HIPK3: variants seen among roughly 807,000 people sequenced by gnomAD.
The protein encoded by HIPK3 is homeodomain interacting protein kinase 3.
A neutral mutation model predicts 124.2 loss-of-function variants in HIPK3; 47 were observed. The ratio of observed to expected loss-of-function variants is 0.38; its 90% CI spans 0.30 to 0.48. The LOEUF is 0.48. Ranked by LOEUF, HIPK3 falls within the 20% of genes least tolerant of loss-of-function variation. The pLI, the probability that HIPK3 is intolerant of heterozygous loss-of-function variation, is 0.98. For synonymous variants in HIPK3, 482 were observed against 515.2 expected, an observed-to-expected ratio of 0.94 and a Z score of 0.87; for missense variants, 1,286 against 1,454.3, an observed-to-expected ratio of 0.88 and a Z score of 1.88.
intron 1 of HIPK3, among the ~76,000 whole-genome samples, chr11:33,268,212 A>G (rs1851024519): frequency 1.3e-5 from 2 of 152,228 alleles, no homozygotes; most frequent in Admixed American, 1.3e-4. Flanking sequence ...TCCATCTCAA[A>G]AACAAATAAG....
At chr11:33,326,657 T>G (rs1163179009) in intron 2 of HIPK3, among the ~76,000 whole-genome samples, 2 of 151,568 alleles carry the variant, frequency 1.3e-5, no homozygotes, top group African/African-American at 4.8e-5. Flanking sequence ...GAGTTATGAC[T>G]GGTCAAATCT....
chr11:33,339,760 A>G (rs1853275021), intron 6 of HIPK3, among the ~76,000 whole-genome samples: 1 of 152,356 alleles, frequency 6.6e-6, no homozygotes, highest in Non-Finnish European at 1.5e-5. Context: ...ACTAAAAATA[A>G]GACTGAGTGG....
intron 14 of HIPK3, among the ~76,000 whole-genome samples, chr11:33,350,510 T>C (rs1434483168): frequency 6.9e-6 from 1 of 144,922 alleles, no homozygotes; most frequent in Non-Finnish European, 1.5e-5. Context: ...CTACCAAAAA[T>C]TAAAAAAAAA....
At chr11:33,311,849 C>CACACACACAT (rs1852348632) in intron 2 of HIPK3, among the ~76,000 whole-genome samples, 1 of 147,768 alleles carries the variant, frequency 6.8e-6, no homozygotes, top group African/African-American at 2.5e-5. Flanking sequence ...CACACACACA[C>CACACACACAT]ACACACACAC....
intron 1 of HIPK3, among the ~76,000 whole-genome samples, chr11:33,269,051 ATATATTAC>A (rs1489795918): frequency 2.6e-5 from 4 of 152,190 alleles, no homozygotes; most frequent in African/African-American, 9.6e-5. Context: ...TGGAAAACAA[ATATATTAC>A]TATTATAAAA....
chr11:33,257,311 G>A (rs956531615), upstream of HIPK3: 1 of 983,702 alleles, frequency 1.0e-6, no homozygotes, highest in Admixed American at 6.2e-5. Context: ...CTGCCGGGCG[G>A]GCGGTGGCGC....
At chr11:33,317,616 G>A (rs1196869181) in intron 2 of HIPK3, among the ~76,000 whole-genome samples, 1 of 152,102 alleles carries the variant, frequency 6.6e-6, no homozygotes, top group Non-Finnish European at 1.5e-5. Context: ...ATAAAATATT[G>A]TGGAAATATA....
chr11:33,311,910 TACACACACAC>T (rs71034671), intron 2 of HIPK3, among the ~76,000 whole-genome samples: 9 of 114,296 alleles, frequency 7.9e-5, no homozygotes, highest in South Asian at 6.5e-4. Context: ...ACCCTGTTTC[TACACACACAC>T]ACACACACAC....
intron 2 of HIPK3, among the ~76,000 whole-genome samples, chr11:33,290,640 CTT>C (rs34712545): frequency 2.1e-5 from 3 of 141,842 alleles, no homozygotes; most frequent in South Asian, 2.2e-4. Context: ...AAAAAAAAGT[CTT>C]TTTTTTTTTT....
chr11:33,322,645 G>A (rs1852698685), intron 2 of HIPK3, among the ~76,000 whole-genome samples: 1 of 152,112 alleles, frequency 6.6e-6, no homozygotes, highest in South Asian at 2.1e-4. Context: ...GGCCAATGTG[G>A]CGAAACCTCA....
intron 2 of HIPK3, among the ~76,000 whole-genome samples, chr11:33,322,235 G>A (rs1490475810): frequency 6.6e-6 from 1 of 151,788 alleles, no homozygotes; most frequent in Admixed American, 6.6e-5. Flanking sequence ...TCCTGACCTC[G>A]TGATCTGCCT....
intron 8 of HIPK3, among the ~76,000 whole-genome samples, chr11:33,343,213 C>T (rs1853387696): frequency 6.6e-6 from 1 of 150,628 alleles, no homozygotes; most frequent in African/African-American, 2.5e-5. Flanking sequence ...ATTTCTAACT[C>T]TAATATATTT....
chr11:33,322,085 C>T lies in HIPK3; in HGVS notation c.1098-6425C>T, dbSNP rs533776279. ...CGCGATCTTGGCTCACTGCAAGCTCCGCCTCCCGGGTTCACACCATTCTCC... is the reference window on the plus strand; with the variant it reads ...CGCGATCTTGGCTCACTGCAAGCTCTGCCTCCCGGGTTCACACCATTCTCC... On this transcript the variant is annotated intron_variant, in intron 2 of 16. Coordinates refer to ENST00000303296, the MANE Select transcript of HIPK3 (RefSeq NM_005734.5). Among the ~76,000 whole-genome samples, 477 of 152,178 alleles carry T rather than the reference C, an allele frequency of 3.1e-3. 1 individual carries two copies. Among genetic ancestry groups the T allele is most frequent in the South Asian group, 0.025 (120 of 4,816 alleles).
At chr11:33,345,429 A>G (rs1853463735) in intron 8 of HIPK3, among the ~76,000 whole-genome samples, 1 of 152,170 alleles carries the variant, frequency 6.6e-6, no homozygotes, top group African/African-American at 2.4e-5. Context: ...CCTAATAACT[A>G]ACTATACAAA....
rs1220459728 is a variant in HIPK3 at position 33,356,366 on chromosome 11, A to G, written c.*2798A>G. On this transcript the variant is annotated 3_prime_UTR_variant, in exon 17 of 17. Transcript: ENST00000303296. ...TATTGACAAAGTAATCTGGATTTATACCTTTTAAAAACCATTTTGACCAGT... is the reference window on the plus strand; with the variant it reads ...TATTGACAAAGTAATCTGGATTTATGCCTTTTAAAAACCATTTTGACCAGT... 1 of 152,072 alleles carries G rather than the reference A, an allele frequency of 6.6e-6. No homozygotes were observed. The highest frequency in any genetic ancestry group is 1.5e-5 in the Non-Finnish European group (1 of 67,920). 9.4% of individuals were successfully genotyped at this position (152,072 alleles called of 1,614,324 possible).
rs118189331 is a variant in HIPK3, at chr11:33,322,956, C to T, written c.1098-5554C>T. On this transcript the variant is annotated intron_variant, in intron 2 of 16. Transcript: ENST00000303296. ...TTGTTCTTCATGTAGACCCTCTCTA[C>T]TCTGACCTTCCTGAGCACTGGAGTG... 2.4e-3 allele frequency among the ~76,000 whole-genome samples: 370 copies of T among 152,354 alleles called. 2 individuals are homozygous for T. The East Asian group carries it at 0.024, about 10-fold the overall frequency.
In HIPK3 at chr11:33,340,994, A is replaced by G. The variant is rs1237865982; in HGVS notation, c.1640A>G (p.Asp547Gly). The change falls in exon 7 of 17, where the codon GAT becomes GGT. Residue 547 changes from aspartate (D) to glycine (G), a missense_variant. Coordinates refer to ENST00000303296, the MANE Select transcript of HIPK3 (RefSeq NM_005734.5). Reference protein sequence around the residue: ...NHVKSCFHIMDICKSHLNSCD... With the variant: ...NHVKSCFHIMGICKSHLNSCD... ...GTAAAGTCCTGTTTTCATATTATGG[A>G]TATTTGTAAGTCCCACCTAAATTCA... is the stretch of plus-strand genomic sequence containing the variant. 1 of 1,599,074 alleles carries G rather than the reference A, an allele frequency of 6.3e-7. No individual in the cohort carries two copies. The highest frequency in any genetic ancestry group is 8.6e-7 in the Non-Finnish European group (1 of 1,167,974).
At chr11:33,281,455 ATTATT>A (rs1319433074) in intron 1 of HIPK3, among the ~76,000 whole-genome samples, 2 of 152,208 alleles carry the variant, frequency 1.3e-5, no homozygotes, top group East Asian at 1.9e-4. Flanking sequence ...CAAATCCCAG[ATTATT>A]TTATTTTTAG....
intron 1 of HIPK3, among the ~76,000 whole-genome samples, chr11:33,273,435 G>C (rs113422817): frequency 6.7e-6 from 1 of 149,340 alleles, no homozygotes; most frequent in African/African-American, 2.5e-5. Context: ...CGTGAACCTG[G>C]GAGGCGGAGC....
Sources: allele counts gnomAD v4.1 joint callset (sites outside exome capture counted in the v4.1 genomes callset), GRCh38; gene constraint gnomAD v4.1.1; transcripts MANE v1.5; gene names NCBI Gene and HGNC (gene_info 2026-07-23, HGNC 2026-07-21).